CHRNA7: variants seen among roughly 807,000 people sequenced by gnomAD.
CHRNA7 encodes the protein neuronal acetylcholine receptor subunit alpha-7.
CHRNA7 carries 17 observed loss-of-function variants against 48.0 expected under a neutral mutation model. The ratio of observed to expected loss-of-function variants is 0.35; its 90% CI spans 0.24 to 0.53. CHRNA7 has a LOEUF of 0.53. Ranked by LOEUF, CHRNA7 falls within the 20% of genes least tolerant of loss-of-function variation. CHRNA7 has a pLI of 0.92. For missense variants in CHRNA7, 155 were observed against 577.7 expected, an observed-to-expected ratio of 0.27 and a Z score of 7.50; for synonymous variants, 75 against 242.3, an observed-to-expected ratio of 0.31 and a Z score of 6.41.
intron 4 of CHRNA7, among the ~76,000 whole-genome samples, chr15:32,133,809 C>T (rs2051197493): frequency 6.6e-6 from 1 of 152,114 alleles, no homozygotes; most frequent in South Asian, 2.1e-4. Flanking sequence ...AGGCTCTGGG[C>T]ACCTGGCAGA....
intron 3 of CHRNA7, chr15:32,102,947 C>T (rs1378801091): frequency 3.3e-5 from 5 of 152,234 alleles, no homozygotes; most frequent in African/African-American, 9.6e-5. Context: ...TTTAAACCCA[C>T]CTGACCTTTG....
At chr15:32,035,631 C>A (rs1902048638) in intron 2 of CHRNA7, among the ~76,000 whole-genome samples, 1 of 152,084 alleles carries the variant, frequency 6.6e-6, no homozygotes, top group Non-Finnish European at 1.5e-5. Flanking sequence ...TGTAGGTTTG[C>A]AATATGTATG....
intron 2 of CHRNA7, among the ~76,000 whole-genome samples, chr15:32,046,884 AC>A (rs1357489629): frequency 6.6e-6 from 1 of 151,962 alleles, no homozygotes; most frequent in African/African-American, 2.4e-5. Context: ...AGCTTTCTAC[AC>A]ATGGCTAGCC....
chr15:32,137,952 G>T (rs1254807510), intron 4 of CHRNA7, among the ~76,000 whole-genome samples: 1 of 152,180 alleles, frequency 6.6e-6, no homozygotes, highest in Non-Finnish European at 1.5e-5. Context: ...TAGCAGCATA[G>T]ACATCTTTTT....
At chr15:32,085,897 C>A (rs1595430103) in intron 2 of CHRNA7, among the ~76,000 whole-genome samples, 1 of 152,174 alleles carries the variant, frequency 6.6e-6, no homozygotes, top group East Asian at 1.9e-4. Flanking sequence ...TTGTGGCTTG[C>A]CATCTGCTCC....
chr15:32,063,236 TAAA>T (rs71113440), intron 2 of CHRNA7, among the ~76,000 whole-genome samples: 1 of 146,124 alleles, frequency 6.8e-6, no homozygotes. Context: ...TACACTAAAT[TAAA>T]AAAAAAAAGT....
intron 4 of CHRNA7, among the ~76,000 whole-genome samples, chr15:32,112,747 C>T (rs1210003328): frequency 1.3e-5 from 2 of 152,210 alleles, no homozygotes; most frequent in African/African-American, 4.8e-5. Context: ...TCCATGGTCA[C>T]TCGGTGATCC....
chr15:32,120,917 C>T (rs1012985577), intron 4 of CHRNA7, among the ~76,000 whole-genome samples: 1 of 152,136 alleles, frequency 6.6e-6, no homozygotes, highest in African/African-American at 2.4e-5. Context: ...TCATGAGCTG[C>T]CTGAGGGAGC....
In CHRNA7 at chr15:32,077,241, T is replaced by A. The variant is rs986008787; in HGVS notation, c.196-24062T>A. On this transcript the variant is annotated intron_variant, in intron 2 of 9. Transcript: ENST00000306901. ...GCTTCCAGTTTTGGGCAATTATGAA[T>A]AAAGCTTCTATAAACATCTGTGTAT... Among the ~76,000 whole-genome samples, 8 of 152,164 alleles carry A rather than the reference T, an allele frequency of 5.3e-5. No individual in the cohort carries two copies. In the East Asian group the frequency reaches 1.5e-3, roughly 29 times the overall value.
At chr15:32,047,686 C>T (rs148311092) in intron 2 of CHRNA7, among the ~76,000 whole-genome samples, 42,239 of 151,838 alleles carry the variant, frequency 0.28, 7,453 homozygotes, top group East Asian at 0.6. Flanking sequence ...CTGATTGCTC[C>T]GGCCAGAACT....
chr15:32,130,203 T>C (rs1344978366), intron 4 of CHRNA7, among the ~76,000 whole-genome samples: 2 of 152,138 alleles, frequency 1.3e-5, no homozygotes, highest in East Asian at 3.9e-4. Flanking sequence ...TGTTTGATGG[T>C]GTAAGTTCTT....
In CHRNA7 at chr15:32,149,586, A is replaced by G. The variant is rs946775208; in HGVS notation, c.351-4321A>G. Among the ~76,000 whole-genome samples the G allele has an allele frequency of 6.6e-6, 1 of 152,218 alleles. No homozygotes were observed. Among genetic ancestry groups the G allele is most frequent in the African/African-American group, 2.4e-5 (1 of 41,452 alleles). On this transcript the variant is annotated intron_variant, in intron 4 of 9. Coordinates refer to ENST00000306901, the MANE Select transcript of CHRNA7 (RefSeq NM_000746.6). The surrounding 1 kb of genome is among the most constrained non-coding windows in gnomAD (Gnocchi z 4.6). The stretch of plus-strand genomic sequence containing the variant: ...CATTACAAGAGTTTACTTTTATACT[A>G]TGTACTTATAAAATCAATTTGCCTA...
chr15:32,110,275 G>T (rs1276861565), intron 3 of CHRNA7, among the ~76,000 whole-genome samples: 1 of 152,188 alleles, frequency 6.6e-6, no homozygotes, highest in Admixed American at 6.5e-5. Context: ...AGGAAGCATG[G>T]CTTGGTTGGT....
intron 2 of CHRNA7, among the ~76,000 whole-genome samples, chr15:32,063,155 G>A (rs895618486): frequency 1.3e-5 from 2 of 152,128 alleles, no homozygotes; most frequent in African/African-American, 4.8e-5. Flanking sequence ...TGAGTGAGTA[G>A]TGAGTAAATG....
At chr15:32,080,536 A>G (rs1217979746) in intron 2 of CHRNA7, among the ~76,000 whole-genome samples, 1 of 152,132 alleles carries the variant, frequency 6.6e-6, no homozygotes, top group African/African-American at 2.4e-5. Context: ...CAAACATATG[A>G]AAAAAAAGCT....
intron 4 of CHRNA7, among the ~76,000 whole-genome samples, chr15:32,117,352 T>G (rs2050890809): frequency 6.6e-6 from 1 of 152,186 alleles, no homozygotes; most frequent in Non-Finnish European, 1.5e-5. Context: ...ACCTCTGGCT[T>G]GCCTGCCCCA....
At chr15:32,124,711 T>G (rs1485885676) in intron 4 of CHRNA7, among the ~76,000 whole-genome samples, 1 of 152,136 alleles carries the variant, frequency 6.6e-6, no homozygotes, top group African/African-American at 2.4e-5. Context: ...TTGTGTCCCC[T>G]CGAGAATTAG....
intron 4 of CHRNA7, among the ~76,000 whole-genome samples, chr15:32,150,409 C>T (rs62003659): frequency 0.16 from 23,731 of 152,090 alleles, 2,102 homozygotes; most frequent in South Asian, 0.31. Context: ...GATGGGGGAA[C>T]GCATCCCACG....
intron 2 of CHRNA7, among the ~76,000 whole-genome samples, chr15:32,048,976 G>A (rs1163230314): frequency 2.0e-5 from 3 of 146,596 alleles, no homozygotes; most frequent in Non-Finnish European, 4.4e-5. Flanking sequence ...GTAGTTGAGC[G>A]GTTTTGAGTG....
Sources: allele counts gnomAD v4.1 joint callset (sites outside exome capture counted in the v4.1 genomes callset), GRCh38; gene constraint gnomAD v4.1.1; non-coding constraint Gnocchi (gnomAD v3.1); transcripts MANE v1.5; gene names NCBI Gene and HGNC (gene_info 2026-07-23, HGNC 2026-07-21).